The following GABRB1 variants were observed in gnomAD, a reference collection of about 807,000 sequenced individuals.
GABRB1 encodes gamma-aminobutyric acid type A receptor subunit beta1, also known as gamma-aminobutyric acid receptor subunit beta-1.
A neutral mutation model predicts 51.6 loss-of-function variants in GABRB1; 17 were observed. The observed-to-expected ratio is 0.33, with a 90% CI of 0.23 to 0.49. The LOEUF (loss-of-function observed/expected upper bound fraction) is 0.49, where lower values mean the gene tolerates loss of function less well. Ranked by LOEUF, GABRB1 falls within the 20% of genes least tolerant of loss-of-function variation. The pLI is 0.99. For synonymous variants in GABRB1, 247 were observed against 218.9 expected (o/e 1.13, Z -1.14); for missense variants, 410 against 600.6 (o/e 0.68, Z 3.32).
chr4:47,047,351 A>T (rs1211426328), intron 3 of GABRB1, among the ~76,000 whole-genome samples: 1 of 152,138 alleles, frequency 6.6e-6, no homozygotes, highest in East Asian at 1.9e-4. Context: ...CCACTTTATG[A>T]ATATTAACCT....
At chr4:47,384,938 A>G (rs907497973) in intron 5 of GABRB1, among the ~76,000 whole-genome samples, 59 of 152,156 alleles carry the variant, frequency 3.9e-4, no homozygotes, top group African/African-American at 1.4e-3. Flanking sequence ...TTTGAAAACA[A>G]TCTTTAAAAA....
chr4:47,303,834 T>C (rs1424588142), intron 4 of GABRB1, among the ~76,000 whole-genome samples: 1 of 152,000 alleles, frequency 6.6e-6, no homozygotes, highest in African/African-American at 2.4e-5. Flanking sequence ...CCCCACCCAG[T>C]CCCTGGTAAC....
chr4:46,994,858 G>T (rs1349125900), intron 1 of GABRB1, among the ~76,000 whole-genome samples: 2 of 152,160 alleles, frequency 1.3e-5, no homozygotes, highest in Non-Finnish European at 2.9e-5. Flanking sequence ...GATGACTAGT[G>T]GACGGGTATG....
At chr4:47,311,060 CAAAAAAAAA>C (rs34566582) in intron 4 of GABRB1, among the ~76,000 whole-genome samples, 4 of 52,178 alleles carry the variant, frequency 7.7e-5, no homozygotes, top group Admixed American at 3.0e-4. Flanking sequence ...AACTCTGTCT[CAAAAAAAAA>C]AAAAAAAAAA....
At chr4:47,032,824 G>A (rs1402045572) in intron 3 of GABRB1, 2 of 487,580 alleles carry the variant, frequency 4.1e-6, no homozygotes, top group East Asian at 5.4e-5. Flanking sequence ...GCTGGCAGCC[G>A]GGCGGCCTGC....
At chr4:47,035,386 T>C (rs1437962019) in intron 3 of GABRB1, among the ~76,000 whole-genome samples, 1 of 152,118 alleles carries the variant, frequency 6.6e-6, no homozygotes, top group East Asian at 1.9e-4. Context: ...TTCTAAGCAG[T>C]GAATGCAAAA....
intron 1 of GABRB1, among the ~76,000 whole-genome samples, chr4:47,020,421 C>G (rs1009518368): frequency 4.6e-5 from 7 of 152,108 alleles, no homozygotes; most frequent in African/African-American, 1.7e-4. Flanking sequence ...CATGGAGTTA[C>G]CCTGCTGCCT....
chr4:47,244,296 T>G (rs1721655040), intron 4 of GABRB1, among the ~76,000 whole-genome samples: 1 of 152,228 alleles, frequency 6.6e-6, no homozygotes, highest in Non-Finnish European at 1.5e-5. Flanking sequence ...AGTATTTTAC[T>G]GAGGATTTTT....
chr4:47,378,421 C>T (rs1411624154), intron 5 of GABRB1, among the ~76,000 whole-genome samples: 1 of 152,190 alleles, frequency 6.6e-6, no homozygotes, highest in African/African-American at 2.4e-5. Flanking sequence ...GCCCGGGTTC[C>T]CGCCCACACC....
intron 3 of GABRB1, among the ~76,000 whole-genome samples, chr4:47,068,914 G>A (rs1273288006): frequency 6.6e-6 from 1 of 152,130 alleles, no homozygotes; most frequent in Non-Finnish European, 1.5e-5. Context: ...AATAAAATGA[G>A]GTATGGCTGT....
chr4:47,412,835 G>C (rs1325397832), intron 8 of GABRB1, among the ~76,000 whole-genome samples: 1 of 152,210 alleles, frequency 6.6e-6, no homozygotes, highest in Non-Finnish European at 1.5e-5. Flanking sequence ...AGATTGGTCA[G>C]ACCAGGTCTT....
chr4:47,119,435 C>A (rs1305774478), intron 3 of GABRB1, among the ~76,000 whole-genome samples: 3 of 151,824 alleles, frequency 2.0e-5, no homozygotes, highest in East Asian at 1.9e-4. Context: ...TAAAATAAAA[C>A]CTCCTTCAAC....
intron 3 of GABRB1, among the ~76,000 whole-genome samples, chr4:47,042,152 A>G (rs1725873822): frequency 6.6e-6 from 1 of 151,948 alleles, no homozygotes; most frequent in Admixed American, 6.6e-5. Context: ...CTGAATAATA[A>G]CATTCACTAG....
intron 7 of GABRB1, among the ~76,000 whole-genome samples, chr4:47,406,435 ATT>A (rs1056790629): frequency 2.0e-5 from 3 of 152,230 alleles, no homozygotes; most frequent in African/African-American, 7.2e-5. Flanking sequence ...ATTTTGTGCA[ATT>A]AAAAAAATGG....
chr4:47,251,024 G>A (rs962628287), intron 4 of GABRB1, among the ~76,000 whole-genome samples: 10 of 152,158 alleles, frequency 6.6e-5, no homozygotes, highest in African/African-American at 1.9e-4. Flanking sequence ...AAAGAGTTTT[G>A]TTTTGTCATA....
chr4:47,406,553 G>T (rs1728575153), intron 7 of GABRB1, 129 bp from the exon 8 acceptor site: 4 of 1,134,578 alleles, frequency 3.5e-6, no homozygotes, highest in Admixed American at 2.2e-5. Flanking sequence ...TTGCCCAATG[G>T]TTTATCATGC....
chr4:47,245,669 T>C (rs1008932001), intron 4 of GABRB1, among the ~76,000 whole-genome samples: 5 of 152,090 alleles, frequency 3.3e-5, no homozygotes, highest in Non-Finnish European at 7.4e-5. Context: ...ATAGGGTCTG[T>C]AAAGTCTAAA....
At chr4:47,275,964 C>G (rs903509972) in intron 4 of GABRB1, among the ~76,000 whole-genome samples, 1 of 152,030 alleles carries the variant, frequency 6.6e-6, no homozygotes, top group Non-Finnish European at 1.5e-5. Context: ...TTATGTAGTT[C>G]AAAGCAAAGC....
intron 4 of GABRB1, among the ~76,000 whole-genome samples, chr4:47,306,656 A>G (rs1027473391): frequency 6.6e-6 from 1 of 152,154 alleles, no homozygotes. Context: ...TTTGCTACAC[A>G]TATGTGATTC....
Sources: allele counts gnomAD v4.1 joint callset (sites outside exome capture counted in the v4.1 genomes callset), GRCh38; gene constraint gnomAD v4.1.1; transcripts MANE v1.5; gene names NCBI Gene and HGNC (gene_info 2026-07-23, HGNC 2026-07-21).